The following FRMD6 variants were observed in gnomAD, a reference collection of about 807,000 sequenced individuals.
FRMD6 encodes FERM domain-containing protein 6.
In FRMD6, 37 loss-of-function variants were observed where a neutral mutation model predicts 73.2. The ratio of observed to expected loss-of-function variants is 0.51; its 90% confidence interval spans 0.39 to 0.66. FRMD6 has a LOEUF of 0.66. Ranked by LOEUF, FRMD6 falls within the 30% of genes least tolerant of loss-of-function variation. FRMD6 has a pLI of 0.00. For missense variants in FRMD6, 714 were observed against 780.5 expected (o/e 0.91, Z 1.02); for synonymous variants, 273 against 282.2 (o/e 0.97, Z 0.33).
the FRMD6 span, among the ~76,000 whole-genome samples, chr14:51,424,993 T>C: frequency 2.6e-5 from 4 of 152,296 alleles, no homozygotes; most frequent in East Asian, 5.8e-4. Flanking sequence ...AGGACTAGCT[T>C]TCATACAAAA....
chr14:51,622,944 A>AT (rs1306904074), intron 2 of FRMD6, among the ~76,000 whole-genome samples: 6 of 152,020 alleles, frequency 3.9e-5, no homozygotes, highest in Non-Finnish European at 7.4e-5. Flanking sequence ...TTTTTAAAAG[A>AT]TTTTTTGTAG....
chr14:51,534,895 C>T (rs1158847206), intron 1 of FRMD6, among the ~76,000 whole-genome samples: 1 of 152,200 alleles, frequency 6.6e-6, no homozygotes, highest in Non-Finnish European at 1.5e-5. Context: ...CAGGTACTCT[C>T]CAGTGGAGAA....
intron 1 of FRMD6, among the ~76,000 whole-genome samples, chr14:51,685,845 C>G (rs1239606138): frequency 6.6e-6 from 1 of 152,154 alleles, no homozygotes; most frequent in Non-Finnish European, 1.5e-5. Context: ...TGCTTTTCAG[C>G]AAATAAATAT....
At chr14:51,449,963 G>A in the FRMD6 span, among the ~76,000 whole-genome samples, 11 of 152,268 alleles carry the variant, frequency 7.2e-5, no homozygotes, top group Admixed American at 7.2e-4. Context: ...CTGGGCCTGT[G>A]GTGAAAAATA....
the FRMD6 span, among the ~76,000 whole-genome samples, chr14:51,411,379 A>G: frequency 6.6e-6 from 1 of 152,188 alleles, no homozygotes; most frequent in African/African-American, 2.4e-5. Flanking sequence ...AGGACAAGAC[A>G]TGGAGGGGGA....
At chr14:51,678,693 C>T (rs892971200) in intron 1 of FRMD6, among the ~76,000 whole-genome samples, 6 of 152,088 alleles carry the variant, frequency 3.9e-5, no homozygotes, top group African/African-American at 1.4e-4. Flanking sequence ...TGACAGCCTA[C>T]CCTTGAGGAG....
chr14:51,534,316 C>T (rs1007563735), intron 1 of FRMD6, among the ~76,000 whole-genome samples: 1 of 152,194 alleles, frequency 6.6e-6, no homozygotes, highest in African/African-American at 2.4e-5. Context: ...TCACTCTACC[C>T]ATGGTAATGT....
At chr14:51,541,455 T>G (rs1023155414) in intron 1 of FRMD6, among the ~76,000 whole-genome samples, 1 of 152,094 alleles carries the variant, frequency 6.6e-6, no homozygotes, top group African/African-American at 2.4e-5. Flanking sequence ...ATTTTCCCTA[T>G]AGTAAAATGA....
At chr14:51,550,293 C>T (rs1392641430) in intron 1 of FRMD6, among the ~76,000 whole-genome samples, 1 of 152,070 alleles carries the variant, frequency 6.6e-6, no homozygotes, top group Non-Finnish European at 1.5e-5. Context: ...GGCTGGAGTA[C>T]TGGGGTGCAA....
At chr14:51,713,806 A>G (rs1897092735) in intron 9 of FRMD6, 1 of 152,154 alleles carries the variant, frequency 6.6e-6, no homozygotes, top group African/African-American at 2.4e-5. Context: ...GTTTCAAGCT[A>G]TTTGTGAAAG....
the FRMD6 span, among the ~76,000 whole-genome samples, chr14:51,440,136 A>G: frequency 6.6e-6 from 1 of 152,240 alleles, no homozygotes. Context: ...GCATGTGGAT[A>G]AAGAGCTAAC....
At chr14:51,678,362 A>G (rs1032948212) in intron 1 of FRMD6, among the ~76,000 whole-genome samples, 1 of 152,124 alleles carries the variant, frequency 6.6e-6, no homozygotes, top group Non-Finnish European at 1.5e-5. Context: ...GCTTAACCTG[A>G]CACACATGGA....
At chr14:51,467,990 G>A in the FRMD6 span, among the ~76,000 whole-genome samples, 1 of 152,136 alleles carries the variant, frequency 6.6e-6, no homozygotes, top group Non-Finnish European at 1.5e-5. Flanking sequence ...CTGCACTCCA[G>A]CCTGGGCAAC....
At chr14:51,478,642 G>A in the FRMD6 span, among the ~76,000 whole-genome samples, 1 of 152,134 alleles carries the variant, frequency 6.6e-6, no homozygotes, top group Admixed American at 6.5e-5. Flanking sequence ...AGAGAAACTG[G>A]AAAGTATGCC....
chr14:51,533,455 C>G (rs1885704902), intron 1 of FRMD6, among the ~76,000 whole-genome samples: 1 of 152,146 alleles, frequency 6.6e-6, no homozygotes, highest in East Asian at 1.9e-4. Flanking sequence ...AGCTCAGAGT[C>G]TGAGCAACAC....
At chr14:51,497,908 C>T (rs1883396875) in intron 1 of FRMD6, among the ~76,000 whole-genome samples, 1 of 152,196 alleles carries the variant, frequency 6.6e-6, no homozygotes, top group African/African-American at 2.4e-5. Flanking sequence ...CTACTCAGAA[C>T]TTCCTAAAGT....
chr14:51,536,776 A>G (rs1486080117), intron 1 of FRMD6, among the ~76,000 whole-genome samples: 1 of 152,244 alleles, frequency 6.6e-6, no homozygotes, highest in South Asian at 2.1e-4. Flanking sequence ...ATGATCATTC[A>G]TAAACCAGCT....
intron 1 of FRMD6, among the ~76,000 whole-genome samples, chr14:51,549,581 C>CT (rs1226471069): frequency 8.4e-4 from 100 of 118,824 alleles, no homozygotes; most frequent in African/African-American, 3.1e-3. Flanking sequence ...GGAGTATAAA[C>CT]TTTTTTTTTC....
At chr14:51,697,903 T>G (rs1208242936) in intron 2 of FRMD6, 1 of 352,192 alleles carries the variant, frequency 2.8e-6, no homozygotes, top group Non-Finnish European at 5.2e-6. Context: ...GCTTTGTCCA[T>G]GTATGGTAAG....
Sources: allele counts gnomAD v4.1 joint callset (sites outside exome capture counted in the v4.1 genomes callset), GRCh38; gene constraint gnomAD v4.1.1; transcripts MANE v1.5; gene names NCBI Gene and HGNC (gene_info 2026-07-23, HGNC 2026-07-21).